The following NIF3L1 variants were observed in gnomAD, a reference collection of about 807,000 sequenced individuals.
NIF3L1 encodes NGG1 interacting factor 3 like 1.
A neutral mutation model predicts 35.0 loss-of-function variants in NIF3L1; 26 were observed. The observed-to-expected ratio is 0.74, with a 90% CI of 0.54 to 1.03. The LOEUF (loss-of-function observed/expected upper bound fraction) is 1.03, where lower values mean the gene tolerates loss of function less well. Ranked by LOEUF, NIF3L1 falls within the 50% of genes least tolerant of loss-of-function variation. The probability of loss-of-function intolerance (pLI) is 0.00; values close to 1 mark genes in which losing one functional copy is unlikely to be tolerated. For missense variants in NIF3L1, 449 were observed against 466.3 expected (o/e 0.96, Z 0.34); for synonymous variants, 157 against 178.9 (o/e 0.88, Z 0.98).
chr2:200,893,902 C>A (rs1234904021), intron 3 of NIF3L1, among the ~76,000 whole-genome samples: 1 of 152,112 alleles, frequency 6.6e-6, no homozygotes, highest in African/African-American at 2.4e-5. Context: ...AGGCTGGGCA[C>A]GGTGGCTCAC....
intron 1 of NIF3L1, chr2:200,890,487 A>C (rs540445396): frequency 6.6e-6 from 1 of 152,344 alleles, no homozygotes; most frequent in Non-Finnish European, 1.5e-5. Flanking sequence ...TTGCTTTTGG[A>C]ATAATTGACT....
intron 3 of NIF3L1, among the ~76,000 whole-genome samples, chr2:200,894,541 C>T (rs543393938): frequency 6.6e-6 from 1 of 151,892 alleles, no homozygotes; most frequent in Non-Finnish European, 1.5e-5. Context: ...GCTGGGACTA[C>T]AGGCACCCGC....
intron 2 of NIF3L1, 30 bp downstream of exon 2, chr2:200,892,409 T>C: frequency 6.6e-7 from 1 of 1,513,268 alleles, no homozygotes; most frequent in Non-Finnish European, 8.8e-7. Flanking sequence ...TTTGATATTT[T>C]CCCTGCAAAT....
chr2:200,900,403 G>A (rs2124898719), intron 6 of NIF3L1, among the ~76,000 whole-genome samples: 1 of 152,280 alleles, frequency 6.6e-6, no homozygotes, highest in Non-Finnish European at 1.5e-5. Flanking sequence ...TTAGGGTTAG[G>A]AGAGAATGAG....
chr2:200,896,197 C>T (rs1453761969), intron 4 of NIF3L1, among the ~76,000 whole-genome samples: 2 of 152,132 alleles, frequency 1.3e-5, no homozygotes, highest in Admixed American at 6.5e-5. Context: ...GGCTCTTTAG[C>T]ATGGTGTTGG....
rs563933017 is a variant in NIF3L1, at chr2:200,896,240, C to T, written c.727-836C>T. Among the ~76,000 whole-genome samples, 11 of 152,262 alleles carry T rather than the reference C, an allele frequency of 7.2e-5. No homozygotes were observed. In the South Asian group the frequency reaches 8.3e-4, roughly 11 times the overall value. On this transcript the variant is annotated intron_variant, in intron 4 of 6. Transcript: ENST00000409020. ...TAATGATCTGCTACAGCCTGGGCCT[C>T]CAGCCTCCTCTCCTTCCACAGCATG...
intron 3 of NIF3L1, 62 bp from the exon 4 acceptor site, chr2:200,895,202 T>G (rs760783565): frequency 1.6e-5 from 24 of 1,507,376 alleles, no homozygotes; most frequent in African/African-American, 2.8e-5. Context: ...TTGTAAACTG[T>G]GGATTATCTA....
chr2:200,892,587 CAGA>C (rs1302184343), intron 2 of NIF3L1, among the ~76,000 whole-genome samples: 2 of 152,182 alleles, frequency 1.3e-5, no homozygotes, highest in Non-Finnish European at 2.9e-5. Context: ...GTAAGGAGAG[CAGA>C]AGTCTTCCTT....
intron 3 of NIF3L1, among the ~76,000 whole-genome samples, chr2:200,894,345 C>T (rs1375570081): frequency 6.6e-6 from 1 of 152,066 alleles, no homozygotes; most frequent in African/African-American, 2.4e-5. Flanking sequence ...TGTAGATGTT[C>T]TGTTCACTGG....
intron 6 of NIF3L1, among the ~76,000 whole-genome samples, chr2:200,902,852 G>C (rs1315909166): frequency 6.6e-6 from 1 of 152,122 alleles, no homozygotes. Flanking sequence ...ATTTTCTGAA[G>C]GCCTCATTTT....
intron 1 of NIF3L1, 84 bp downstream of exon 1, chr2:200,889,736 G>T (rs548739320): frequency 3.3e-5 from 5 of 152,532 alleles, no homozygotes; most frequent in Admixed American, 1.3e-4. Context: ...TCTAGGACGG[G>T]AGTTGTTTCC....
rs1199715487 is a variant in NIF3L1 at position 200,893,242 on chromosome 2, C to T, written c.437-4C>T. ...CTCCCATTTTCCCACAATATTTTCT[C>T]TAGGAGCTTGTACCTCCAGGCCCAT... is the stretch of plus-strand genomic sequence containing the variant. On this transcript the variant is annotated splice_polypyrimidine_tract_variant and splice_region_variant and intron_variant, in intron 2 of 6. Transcript: ENST00000409020. The T allele has an allele frequency of 6.7e-7, 1 of 1,484,686 alleles. No homozygotes were observed. Among genetic ancestry groups the T allele is most frequent in the African/African-American group, 1.4e-5 (1 of 69,350 alleles). 92.0% of individuals were successfully genotyped at this position (1,484,686 alleles called of 1,614,324 possible).
chr2:200,893,204 T>G, intron 2 of NIF3L1, 42 bp from the exon 3 acceptor site: 1 of 1,439,164 alleles, frequency 6.9e-7, no homozygotes, highest in Non-Finnish European at 9.3e-7. Flanking sequence ...TCTTAATCTC[T>G]CACCCCCCAA....
At chr2:200,894,916 T>C (rs1382494629) in intron 3 of NIF3L1, among the ~76,000 whole-genome samples, 1 of 152,078 alleles carries the variant, frequency 6.6e-6, no homozygotes, top group Non-Finnish European at 1.5e-5. Flanking sequence ...GAACAGTTCT[T>C]GAACAGTGGT....
At position 200,893,398 on chromosome 2, in the gene NIF3L1, T is replaced by G. The variant is rs375292044; in HGVS notation, c.589T>G (p.Phe197Val). ...AATTGACGGTGTTTCTGTCACTTCT[T>G]TTTCTGCTAGGTACAATTTATTTTT... is the stretch of plus-strand genomic sequence containing the variant. ...KGIDGVSVTS[F>V]SARTGNEEQT... The change falls in exon 3 of 7, where the codon TTT (phenylalanine) becomes GTT (valine). Residue 197 changes from phenylalanine (F) to valine (V), a missense_variant. Transcript: ENST00000409020. 6.8e-6 allele frequency: 11 copies of G among 1,614,052 alleles called. No homozygotes were observed. Among genetic ancestry groups the G allele is most frequent in the Non-Finnish European group, 8.5e-6 (10 of 1,179,954 alleles).
chr2:200,903,490 G>T lies in NIF3L1; in HGVS notation c.950-4G>T. ...TTAAGAATTTGCTCTTCCCTTTTTGGTAGGTGAGATGTCCCATCATGATAC... is the reference window on the plus strand; with the variant it reads ...TTAAGAATTTGCTCTTCCCTTTTTGTTAGGTGAGATGTCCCATCATGATAC... On this transcript the variant is annotated splice_polypyrimidine_tract_variant and splice_region_variant and intron_variant, in intron 6 of 6. Transcript: ENST00000409020. 6.2e-7 allele frequency: 1 copy of T among 1,606,624 alleles called. No homozygotes were observed. Among genetic ancestry groups the T allele is most frequent in the Non-Finnish European group, 8.5e-7 (1 of 1,175,086 alleles).
intron 6 of NIF3L1, 24 bp downstream of exon 6, chr2:200,899,492 T>A: frequency 1.2e-6 from 2 of 1,603,276 alleles, no homozygotes; most frequent in Non-Finnish European, 1.7e-6. Flanking sequence ...TGGATCTCTC[T>A]TGGTTTATTT....
In NIF3L1 at chr2:200,903,526, G is replaced by T; in HGVS notation, c.982G>T (p.Ala328Ser). 1 of 1,614,026 alleles carries T rather than the reference G, an allele frequency of 6.2e-7. No homozygotes were observed. The highest frequency in any genetic ancestry group is 8.5e-7 in the Non-Finnish European group (1 of 1,179,920). ...EMSHHDTLDA[A>S]SQGINVILCE... ...GTCCCATCATGATACTTTGGATGCT[G>T]CTTCCCAAGGAATAAATGTCATCCT... Residue 328 changes from alanine (A) to serine (S), a missense_variant, in exon 7 of 7, where the codon GCT becomes TCT. Ala to Ser is a moderately conservative substitution (Grantham distance 99, BLOSUM62 1). Coordinates refer to ENST00000409020, the MANE Select transcript of NIF3L1 (RefSeq NM_001369441.2).
Position 200,892,225 on chromosome 2 carries a change from G to A in NIF3L1, c.282G>A (p.Pro94=), listed in dbSNP as rs374971685. 17 of 1,614,012 alleles carry A rather than the reference G, an allele frequency of 1.1e-5. No homozygotes were observed. Among genetic ancestry groups the A allele is most frequent in the Non-Finnish European group, 1.3e-5 (15 of 1,180,042 alleles). Residue 94 remains proline (P), a synonymous_variant, in exon 2 of 7, where the codon CCG becomes CCA. Transcript: ENST00000409020. ...CAGACCTCATTCTCTCCTACCATCC[G>A]CCTATCTTCCGACCCATGAAGCGCA... ...KKADLILSYH[P]PIFRPMKRIT...
Sources: gnomAD v4.1 joint callset for allele counts (sites outside exome capture counted in the v4.1 genomes callset) on GRCh38, gnomAD v4.1.1 for gene constraint, MANE v1.5 for transcripts, NCBI Gene and HGNC (gene_info 2026-07-23, HGNC 2026-07-21) for gene names.